KLHL2: variants seen among roughly 807,000 people sequenced by gnomAD.
KLHL2 encodes kelch-like protein 2.
Under a neutral mutation model 75.8 loss-of-function variants are expected in KLHL2, and 15 were observed. The observed-to-expected ratio is 0.20, with a 90% confidence interval of 0.13 to 0.30. The LOEUF (loss-of-function observed/expected upper bound fraction) is 0.30. KLHL2 is among the 10% of genes least tolerant of loss of function. The pLI is 1.00. For synonymous variants in KLHL2, 214 were observed against 251.9 expected, an observed-to-expected ratio of 0.85 and a Z score of 1.42; for missense variants, 381 against 741.0, an observed-to-expected ratio of 0.51 and a Z score of 5.64.
At chr4:165,232,878 C>CTT (rs912954260) in intron 3 of KLHL2, among the ~76,000 whole-genome samples, 987 of 52,592 alleles carry the variant, frequency 0.019, 187 homozygotes, top group African/African-American at 0.054. Context: ...CCCTGTTAAG[C>CTT]TTTTTTTTTT....
Position 165,312,168 on chromosome 4 carries a change from G to A in KLHL2, c.1339+603G>A, listed in dbSNP as rs112107094. On this transcript the variant is annotated intron_variant, in intron 11 of 14. Coordinates refer to ENST00000226725, the MANE Select transcript of KLHL2 (RefSeq NM_007246.4). ...CAGCTGTAATACTTGCTCACCTGCCGCTCACCTCCTGTTGTGCAGCCCGGT... is the reference window on the plus strand; with the variant it reads ...CAGCTGTAATACTTGCTCACCTGCCACTCACCTCCTGTTGTGCAGCCCGGT... 3.6e-3 allele frequency among the ~76,000 whole-genome samples: 551 copies of A among 152,196 alleles called. 2 individuals are homozygous for A. The highest frequency in any genetic ancestry group is 0.013 in the African/African-American group (525 of 41,526).
chr4:165,242,149 C>T (rs1739866333), intron 4 of KLHL2, among the ~76,000 whole-genome samples: 1 of 151,962 alleles, frequency 6.6e-6, no homozygotes, highest in South Asian at 2.1e-4. Context: ...AATATTTTAC[C>T]TATGACTACA....
chr4:165,220,863 T>G (rs1737928019), intron 2 of KLHL2, among the ~76,000 whole-genome samples: 1 of 152,208 alleles, frequency 6.6e-6, no homozygotes, highest in Non-Finnish European at 1.5e-5. Flanking sequence ...AAAAGTTGAT[T>G]GAAAAATGAG....
rs912954260 is a variant in KLHL2 at position 165,232,878 on chromosome 4, CTTTTTTTTTTTTTT to C, written c.259+3978_259+3991del. The stretch of plus-strand genomic sequence containing the variant: ...TTTCATGGTCTGAAACCCTGTTAAG[CTTTTTTTTTTTTTT>C]TTTTTTTTTTTTGGTAAAAATTATG... On this transcript the variant is annotated intron_variant, in intron 3 of 14. Coordinates refer to ENST00000226725, the MANE Select transcript of KLHL2 (RefSeq NM_007246.4). Among the ~76,000 whole-genome samples the C allele has an allele frequency of 7.6e-4, 40 of 52,586 alleles. 1 individual carries two copies. The highest frequency in any genetic ancestry group is 1.4e-3 in the Non-Finnish European group (38 of 27,198). 34.5% of individuals were successfully genotyped at this position (52,586 alleles called of 152,430 possible). A position where few individuals can be genotyped will look rare whatever the true frequency, so the allele number is the denominator to read the frequency against.
At chr4:165,240,938 A>G (rs1003976875) in intron 4 of KLHL2, among the ~76,000 whole-genome samples, 2 of 152,214 alleles carry the variant, frequency 1.3e-5, no homozygotes, top group African/African-American at 4.8e-5. Context: ...GTTTCTTTTA[A>G]TAACTATCAT....
In KLHL2 at chr4:165,207,808, C is replaced by G; in HGVS notation, c.-69C>G. On this transcript the variant is annotated 5_prime_UTR_variant, in exon 1 of 15. Coordinates refer to ENST00000226725, the MANE Select transcript of KLHL2 (RefSeq NM_007246.4). The surrounding 1 kb of genome is among the most constrained non-coding windows in gnomAD (Gnocchi z 4.2). ...CGGCTCGGCGGGCGGGCAGTGCCGGCGTCCGCGGCTGGAATGGTGCTGGCT... is the reference window on the plus strand; with the variant it reads ...CGGCTCGGCGGGCGGGCAGTGCCGGGGTCCGCGGCTGGAATGGTGCTGGCT... 1 of 1,355,856 alleles carries G rather than the reference C, an allele frequency of 7.4e-7. No individual in the cohort carries two copies. The highest frequency in any genetic ancestry group is 9.7e-7 in the Non-Finnish European group (1 of 1,026,054). 84.0% of individuals were successfully genotyped at this position (1,355,856 alleles called of 1,614,324 possible).
In KLHL2 at chr4:165,303,494, G is replaced by GCCCCCCCCCCCCCCCC. The variant is rs35038980; in HGVS notation, c.922-2106_922-2105insCCCCCCCCCCCCCCCC. On this transcript the variant is annotated intron_variant, in intron 8 of 14. Coordinates refer to ENST00000226725, the MANE Select transcript of KLHL2 (RefSeq NM_007246.4). Reference sequence around the variant, plus strand: ...CCAATTCTGTAATTTTTACAACCTTGCCCCCCCCGCCGTTTTTGGGTGGTC... The same window carrying GCCCCCCCCCCCCCCCC: ...CCAATTCTGTAATTTTTACAACCTTGCCCCCCCCCCCCCCCCCCCCCCCCGCCGTTTTTGGGTGGTC... Among the ~76,000 whole-genome samples, 17 of 113,286 alleles carry GCCCCCCCCCCCCCCCC rather than the reference G, an allele frequency of 1.5e-4. 3 individuals are homozygous for GCCCCCCCCCCCCCCCC. The highest frequency in any genetic ancestry group is 3.1e-4 in the Non-Finnish European group (14 of 45,572). The allele number at this position is 113,286 out of a possible 152,430, so 74.3% of individuals were successfully genotyped here. A position where few individuals can be genotyped will look rare whatever the true frequency, so the allele number is the denominator to read the frequency against.
rs187877887 is a variant in KLHL2 at position 165,292,843 on chromosome 4, C to T, written c.545-1516C>T. 9.6e-3 allele frequency among the ~76,000 whole-genome samples: 1,455 copies of T among 152,110 alleles called. 13 individuals are homozygous for T. The highest frequency in any genetic ancestry group is 0.022 in the South Asian group (108 of 4,822). On this transcript the variant is annotated intron_variant, in intron 5 of 14. Coordinates refer to ENST00000226725, the MANE Select transcript of KLHL2 (RefSeq NM_007246.4). ...GTGAAATAAATATGGTTCATTGTGA[C>T]GACCTAGAAATTAACCTAGATTTTC...
intron 4 of KLHL2, among the ~76,000 whole-genome samples, chr4:165,241,488 G>A (rs1263357662): frequency 2.0e-5 from 3 of 152,068 alleles, no homozygotes; most frequent in Admixed American, 1.3e-4. Context: ...CCCTGAAGGT[G>A]CTGACAGTGG....
rs1314053861 is a variant in KLHL2, at chr4:165,207,998, G to A, written c.26+96G>A. On this transcript the variant is annotated intron_variant, in intron 1 of 14. Transcript: ENST00000226725. The surrounding 1 kb of genome is among the most constrained non-coding windows in gnomAD (Gnocchi z 4.2). ...GGGCGCAGCTCTGGGGACAGCCGCCGGGGCCGGCGGGAGGTGGGAGATGCG... is the reference window on the plus strand; with the variant it reads ...GGGCGCAGCTCTGGGGACAGCCGCCAGGGCCGGCGGGAGGTGGGAGATGCG... 8.0e-6 allele frequency: 7 copies of A among 869,674 alleles called. No individual in the cohort carries two copies. The highest frequency in any genetic ancestry group is 1.0e-5 in the Non-Finnish European group (7 of 670,060). 53.9% of individuals were successfully genotyped at this position (869,674 alleles called of 1,614,324 possible). A position where few individuals can be genotyped will look rare whatever the true frequency, so the allele number is the denominator to read the frequency against.
At chr4:165,239,008 G>A in intron 4 of KLHL2, 109 bp downstream of exon 4, 1 of 1,464,636 alleles carries the variant, frequency 6.8e-7, no homozygotes, top group Non-Finnish European at 9.0e-7. Context: ...AGGATTCATT[G>A]TGAAAATTGT....
Position 165,261,410 on chromosome 4 carries a change from G to A in KLHL2, c.382-1787G>A, listed in dbSNP as rs1402701024. Reference sequence around the variant, plus strand: ...GGCTGGAGTGCGGTGGTGTGATCTCGGCTCATTGCAACCTCTGCCTCCAGG... The same window carrying A: ...GGCTGGAGTGCGGTGGTGTGATCTCAGCTCATTGCAACCTCTGCCTCCAGG... On this transcript the variant is annotated intron_variant, in intron 4 of 14. Transcript: ENST00000226725. 6.6e-5 allele frequency among the ~76,000 whole-genome samples: 10 copies of A among 151,716 alleles called. No individual in the cohort carries two copies. In the South Asian group the frequency reaches 8.3e-4, roughly 13 times the overall value.
chr4:165,207,817 C>T lies in KLHL2; in HGVS notation c.-60C>T. On this transcript the variant is annotated 5_prime_UTR_variant, in exon 1 of 15. Coordinates refer to ENST00000226725, the MANE Select transcript of KLHL2 (RefSeq NM_007246.4). The surrounding 1 kb of genome is among the most constrained non-coding windows in gnomAD (Gnocchi z 4.2). The stretch of plus-strand genomic sequence containing the variant: ...GGGCGGGCAGTGCCGGCGTCCGCGG[C>T]TGGAATGGTGCTGGCTGTGTTGGTC... 7.2e-7 allele frequency: 1 copy of T among 1,397,502 alleles called. No individual in the cohort carries two copies. The highest frequency in any genetic ancestry group is 9.4e-7 in the Non-Finnish European group (1 of 1,059,640). The allele number at this position is 1,397,502 out of a possible 1,614,324, so 86.6% of individuals were successfully genotyped here. A position where few individuals can be genotyped will look rare whatever the true frequency, so the allele number is the denominator to read the frequency against.
chr4:165,306,760 C>T (rs1745759103), intron 9 of KLHL2, among the ~76,000 whole-genome samples: 1 of 152,158 alleles, frequency 6.6e-6, no homozygotes, highest in Non-Finnish European at 1.5e-5. Context: ...ATTGATGTCA[C>T]AGATACAGTT....
chr4:165,239,893 C>T (rs1391063948), intron 4 of KLHL2, among the ~76,000 whole-genome samples: 1 of 151,362 alleles, frequency 6.6e-6, no homozygotes, highest in Non-Finnish European at 1.5e-5. Flanking sequence ...ATAAGAAATA[C>T]TATACTTGTT....
At chr4:165,250,249 A>G (rs1163268535) in intron 4 of KLHL2, among the ~76,000 whole-genome samples, 4 of 152,234 alleles carry the variant, frequency 2.6e-5, no homozygotes, top group African/African-American at 4.8e-5. Context: ...TTTTGAGTGG[A>G]TGACCATGCT....
At chr4:165,224,470 G>A (rs891555862) in intron 2 of KLHL2, among the ~76,000 whole-genome samples, 10 of 152,164 alleles carry the variant, frequency 6.6e-5, no homozygotes, top group Admixed American at 2.0e-4. Context: ...GTTCATAACA[G>A]CAGTTCTTAA....
At position 165,295,299 on chromosome 4, in the gene KLHL2, G is replaced by C. The variant is rs1462393529; in HGVS notation, c.654+831G>C. Among the ~76,000 whole-genome samples, 7 of 152,190 alleles carry C rather than the reference G, an allele frequency of 4.6e-5. No homozygotes were observed. In the East Asian group the frequency reaches 7.7e-4, roughly 17 times the overall value. ...GTAAATTCTGATTCTCTTTCTCAAG[G>C]CTATTCATTTCACCTGGGGTTAAAG... On this transcript the variant is annotated intron_variant, in intron 6 of 14. Transcript: ENST00000226725.
At chr4:165,286,661 C>G (rs1156503038) in intron 5 of KLHL2, among the ~76,000 whole-genome samples, 17 of 152,104 alleles carry the variant, frequency 1.1e-4, no homozygotes, top group Admixed American at 1.0e-3. Flanking sequence ...AAAATTGAGC[C>G]AGAGGCTATG....
Sources: allele counts gnomAD v4.1 joint callset (sites outside exome capture counted in the v4.1 genomes callset), GRCh38; gene constraint gnomAD v4.1.1; non-coding constraint Gnocchi (gnomAD v3.1); transcripts MANE v1.5; gene names NCBI Gene and HGNC (gene_info 2026-07-23, HGNC 2026-07-21).